IFTAP: variants seen among roughly 807,000 people sequenced by gnomAD.
IFTAP encodes intraflagellar transport-associated protein.
In IFTAP, 19 loss-of-function variants were observed where a neutral mutation model predicts 19.4. The observed-to-expected ratio is 0.98, with a 90% CI of 0.68 to 1.44. The LOEUF (loss-of-function observed/expected upper bound fraction) is 1.44. Among genes scored for constraint, IFTAP ranks in the 40% most tolerant of loss-of-function variants. The probability of loss-of-function intolerance (pLI) is 0.00; values close to 1 mark genes in which losing one functional copy is unlikely to be tolerated. For synonymous variants in IFTAP, 85 were observed against 83.5 expected, an observed-to-expected ratio of 1.02 and a Z score of -0.10; for missense variants, 240 against 253.6, an observed-to-expected ratio of 0.95 and a Z score of 0.36.
chr11:36,610,114 A>G lies in IFTAP; in HGVS notation c.11A>G (p.His4Arg), dbSNP rs181253019. 4.6e-5 allele frequency: 74 copies of G among 1,613,104 alleles called. No homozygotes were observed. In the Admixed American group the frequency reaches 5.0e-4, roughly 11 times the overall value. ...GCCTCATGAATAGGAATGTCTGCCC[A>G]TATGTCAGGATTGGAAATAATGGAT... MSA[H>R]MSGLEIMDED... Residue 4 changes from histidine to arginine, a missense_variant, in exon 2 of 6, where the codon CAT (histidine) becomes CGT (arginine). Transcript: ENST00000334307.
At chr11:36,623,922 T>A (rs578010381) in intron 2 of IFTAP, among the ~76,000 whole-genome samples, 9 of 152,222 alleles carry the variant, frequency 5.9e-5, no homozygotes, top group African/African-American at 2.2e-4. Flanking sequence ...ACATCAAAGT[T>A]AAATATTAAG....
chr11:36,624,419 C>T (rs1479637213), intron 2 of IFTAP, among the ~76,000 whole-genome samples: 11 of 152,170 alleles, frequency 7.2e-5, no homozygotes, highest in African/African-American at 2.4e-4. Context: ...CCTTAAGACA[C>T]GTGCACTATT....
intron 1 of IFTAP, among the ~76,000 whole-genome samples, chr11:36,602,492 G>A (rs1851544415): frequency 1.3e-5 from 2 of 152,034 alleles, no homozygotes; most frequent in African/African-American, 4.8e-5. Context: ...ATATGAGGGT[G>A]GGATTAGGTT....
chr11:36,601,621 G>A (rs186638179), intron 1 of IFTAP, among the ~76,000 whole-genome samples: 110 of 152,220 alleles, frequency 7.2e-4, no homozygotes, highest in Non-Finnish European at 1.3e-3. Flanking sequence ...AAGGAGTTAG[G>A]AGTTTGTGAT....
At chr11:36,638,367 A>G (rs906370984) in intron 4 of IFTAP, among the ~76,000 whole-genome samples, 1 of 152,284 alleles carries the variant, frequency 6.6e-6, no homozygotes, top group African/African-American at 2.4e-5. Flanking sequence ...GCCTTCTTGT[A>G]TTTGTGTATA....
At chr11:36,599,789 T>G (rs958548466) in intron 1 of IFTAP, among the ~76,000 whole-genome samples, 1 of 152,192 alleles carries the variant, frequency 6.6e-6, no homozygotes, top group African/African-American at 2.4e-5. Context: ...TTGGGTTATT[T>G]CCCTAACCTA....
chr11:36,608,313 A>G (rs1214297165), intron 1 of IFTAP, among the ~76,000 whole-genome samples: 1 of 152,192 alleles, frequency 6.6e-6, no homozygotes, highest in Non-Finnish European at 1.5e-5. Context: ...TGCTATTTGT[A>G]TTTTTAAAAT....
chr11:36,620,714 T>A (rs960143064), intron 2 of IFTAP, among the ~76,000 whole-genome samples: 1 of 151,994 alleles, frequency 6.6e-6, no homozygotes, highest in Admixed American at 6.6e-5. Flanking sequence ...ATCATTAAAT[T>A]TATTTTTGGC....
At chr11:36,636,003 T>C in intron 3 of IFTAP, 48 bp from the exon 4 acceptor site, 1 of 1,335,914 alleles carries the variant, frequency 7.5e-7, no homozygotes. Context: ...ACTGCAGTTT[T>C]TCTTTAGGTC....
chr11:36,599,866 ACTGT>A (rs1475492811), intron 1 of IFTAP, among the ~76,000 whole-genome samples: 1 of 152,248 alleles, frequency 6.6e-6, no homozygotes, highest in East Asian at 1.9e-4. Context: ...CATAAGGACA[ACTGT>A]CATAAAATTG....
intron 1 of IFTAP, chr11:36,595,117 ACTGTTTTTACTC>A (rs1264454438): frequency 6.6e-6 from 1 of 152,134 alleles, no homozygotes; most frequent in East Asian, 1.9e-4. Context: ...TGTTTTCTTC[ACTGTTTTTACTC>A]CTGTTTTTAG....
chr11:36,596,239 C>CTTTTTTTTTT (rs1221504218), intron 1 of IFTAP, among the ~76,000 whole-genome samples: 6 of 75,662 alleles, frequency 7.9e-5, no homozygotes, highest in African/African-American at 3.6e-4. Flanking sequence ...TTTTTTTTTG[C>CTTTTTTTTTT]TTTAAAGAAC....
intron 2 of IFTAP, among the ~76,000 whole-genome samples, chr11:36,613,924 T>C (rs1851968160): frequency 6.6e-6 from 1 of 152,090 alleles, no homozygotes; most frequent in Non-Finnish European, 1.5e-5. Context: ...TTTCTTTTTT[T>C]TTTTTAATTA....
chr11:36,597,498 C>T (rs1379455675), intron 1 of IFTAP: 1 of 152,160 alleles, frequency 6.6e-6, no homozygotes. Context: ...ACAATTTTCC[C>T]AACCCCATGC....
intron 2 of IFTAP, among the ~76,000 whole-genome samples, chr11:36,613,549 A>T (rs916723150): frequency 1.3e-5 from 2 of 152,060 alleles, no homozygotes; most frequent in Non-Finnish European, 2.9e-5. Context: ...AAATTAGACT[A>T]ATGCATGATA....
intron 1 of IFTAP, among the ~76,000 whole-genome samples, chr11:36,596,028 A>G (rs1381022485): frequency 6.6e-6 from 1 of 152,186 alleles, no homozygotes; most frequent in Admixed American, 6.5e-5. Flanking sequence ...CTTGGTATAT[A>G]TTCACTGGGC....
At chr11:36,611,270 A>AT (rs1475717732) in intron 2 of IFTAP, among the ~76,000 whole-genome samples, 1 of 152,026 alleles carries the variant, frequency 6.6e-6, no homozygotes, top group Non-Finnish European at 1.5e-5. Flanking sequence ...ATTGATCCAC[A>AT]TTTTTGAGAC....
At chr11:36,614,706 A>T (rs1852006089) in intron 2 of IFTAP, among the ~76,000 whole-genome samples, 1 of 148,254 alleles carries the variant, frequency 6.7e-6, no homozygotes, top group Non-Finnish European at 1.5e-5. Context: ...TTTTGGCTGC[A>T]TAAATGTCTT....
At position 36,652,333 on chromosome 11, in the gene IFTAP, A is replaced by T. The variant is rs988904963; in HGVS notation, c.498+4178A>T. ...GAAGCAATTGTGAATGGGAGTTCAC[A>T]CATGATTTGGCTCTCTGTTTGTCTG... On this transcript the variant is annotated intron_variant, in intron 5 of 5. Coordinates refer to ENST00000334307, the MANE Select transcript of IFTAP (RefSeq NM_138787.4). Among the ~76,000 whole-genome samples, 5 of 152,030 alleles carry T rather than the reference A, an allele frequency of 3.3e-5. No individual in the cohort carries two copies. In the South Asian group the frequency reaches 8.3e-4, roughly 25 times the overall value.
Sources: allele counts gnomAD v4.1 joint callset (sites outside exome capture counted in the v4.1 genomes callset), GRCh38; gene constraint gnomAD v4.1.1; transcripts MANE v1.5; gene names NCBI Gene and HGNC (gene_info 2026-07-23, HGNC 2026-07-21).